Variants in PHAX observed in about 807,000 individuals in gnomAD.
PHAX encodes phosphorylated adapter RNA export protein.
PHAX carries 31 observed loss-of-function variants against 41.6 expected under a neutral mutation model. That is an observed-to-expected ratio of 0.75 (90% CI 0.56 to 1.01). The LOEUF is 1.01. Ranked by LOEUF, PHAX falls within the 50% of genes least tolerant of loss-of-function variation. The pLI, the probability that PHAX is intolerant of heterozygous loss-of-function variation, is 0.00. For synonymous variants in PHAX, 175 were observed against 164.9 expected, an observed-to-expected ratio of 1.06 and a Z score of -0.47; for missense variants, 453 against 472.9, an observed-to-expected ratio of 0.96 and a Z score of 0.39.
chr5:126,609,161 C>T (rs907902885), intron 3 of PHAX, among the ~76,000 whole-genome samples: 1 of 130,466 alleles, frequency 7.7e-6, no homozygotes, highest in Non-Finnish European at 1.5e-5. Context: ...AGTGCAGTGG[C>T]GCAATCTCGG....
chr5:126,601,431 G>A (rs777138761), intron 1 of PHAX, among the ~76,000 whole-genome samples: 5 of 152,146 alleles, frequency 3.3e-5, no homozygotes, highest in Non-Finnish European at 7.4e-5. Context: ...TAAACTTGGG[G>A]CTTCCCCACT....
chr5:126,608,699 G>A (rs1017368564), intron 3 of PHAX, among the ~76,000 whole-genome samples: 3 of 152,210 alleles, frequency 2.0e-5, no homozygotes, highest in Admixed American at 6.6e-5. Flanking sequence ...CACTTTGGGA[G>A]GCTGAGGCGG....
chr5:126,608,291 G>C, intron 2 of PHAX, 73 bp from the exon 3 acceptor site: 1 of 1,500,504 alleles, frequency 6.7e-7, no homozygotes, highest in Admixed American at 2.2e-5. Flanking sequence ...TTTTATTCTA[G>C]CTGGTGACTA....
At chr5:126,622,851 C>T (rs911049365) in intron 4 of PHAX, among the ~76,000 whole-genome samples, 10 of 151,990 alleles carry the variant, frequency 6.6e-5, no homozygotes, top group African/African-American at 2.2e-4. Context: ...TTGGGCCGGG[C>T]GCGGTGGCTT....
intron 1 of PHAX, among the ~76,000 whole-genome samples, chr5:126,601,894 T>C (rs1246362404): frequency 6.6e-6 from 1 of 152,052 alleles, no homozygotes; most frequent in Non-Finnish European, 1.5e-5. Flanking sequence ...CTCGAACTCC[T>C]GACCTCAAGT....
intron 2 of PHAX, among the ~76,000 whole-genome samples, chr5:126,607,388 CTTTTTTTTTTTTTT>C (rs58375322): frequency 7.0e-5 from 6 of 85,404 alleles, no homozygotes; most frequent in East Asian, 3.3e-4. Flanking sequence ...GGTCTGAATT[CTTTTTTTTTTTTTT>C]TTTTTTTTTT....
Position 126,617,236 on chromosome 5 carries a change from G to A in PHAX, c.832-14G>A, listed in dbSNP as rs771816965. On this transcript the variant is annotated splice_polypyrimidine_tract_variant and intron_variant, in intron 3 of 4. Transcript: ENST00000297540. ...AGAGTATATGCAGTTTACCTTTTCTGTTCCTTTTTGTAGAATGGTAGTCGA... is the reference window on the plus strand; with the variant it reads ...AGAGTATATGCAGTTTACCTTTTCTATTCCTTTTTGTAGAATGGTAGTCGA... 1 of 1,581,130 alleles carries A rather than the reference G, an allele frequency of 6.3e-7. No homozygotes were observed. The highest frequency in any genetic ancestry group is 1.1e-5 in the South Asian group (1 of 89,862).
intron 4 of PHAX, among the ~76,000 whole-genome samples, chr5:126,617,667 C>T (rs752052524): frequency 6.6e-6 from 1 of 151,948 alleles, no homozygotes; most frequent in Non-Finnish European, 1.5e-5. Context: ...TTAGTAGAGA[C>T]GGGGTTTCAC....
intron 1 of PHAX, among the ~76,000 whole-genome samples, chr5:126,602,432 C>A (rs1265083588): frequency 1.3e-5 from 2 of 152,228 alleles, no homozygotes; most frequent in Non-Finnish European, 2.9e-5. Flanking sequence ...TGATGTACCA[C>A]TGATAGGGTT....
chr5:126,614,717 C>T (rs955382385), intron 3 of PHAX, among the ~76,000 whole-genome samples: 5 of 151,940 alleles, frequency 3.3e-5, no homozygotes, highest in African/African-American at 1.2e-4. Context: ...AGAGGCTACC[C>T]GGACCACACC....
intron 3 of PHAX, among the ~76,000 whole-genome samples, chr5:126,609,193 C>T (rs564326547): frequency 3.3e-5 from 5 of 149,280 alleles, no homozygotes; most frequent in Non-Finnish European, 5.9e-5. Context: ...CTCCGCCTCC[C>T]GAGTTCAAGC....
chr5:126,624,491 A>G, intron 4 of PHAX, 84 bp from the exon 5 acceptor site: 1 of 1,037,290 alleles, frequency 9.6e-7, no homozygotes, highest in Non-Finnish European at 1.4e-6. Context: ...AGAAATGGAG[A>G]TAATGATTTT....
Position 126,626,009 on chromosome 5 carries a change from T to G in PHAX, c.*1165T>G, listed in dbSNP as rs2112840831. 6.6e-6 allele frequency: 1 copy of G among 152,304 alleles called. No homozygotes were observed. Among genetic ancestry groups the G allele is most frequent in the Admixed American group, 6.5e-5 (1 of 15,282 alleles). The allele number at this position is 152,304 out of a possible 1,614,324, so 9.4% of individuals were successfully genotyped here. A position where few individuals can be genotyped will look rare whatever the true frequency, so the allele number is the denominator to read the frequency against. ...CGAACCCAGCCTTATTCTGCTTAAATTTAACGTGTTTTTTGACTTCTTAAT... is the reference window on the plus strand; with the variant it reads ...CGAACCCAGCCTTATTCTGCTTAAAGTTAACGTGTTTTTTGACTTCTTAAT... On this transcript the variant is annotated 3_prime_UTR_variant, in exon 5 of 5. Transcript: ENST00000297540.
At chr5:126,623,060 A>T (rs555903374) in intron 4 of PHAX, among the ~76,000 whole-genome samples, 9 of 151,980 alleles carry the variant, frequency 5.9e-5, no homozygotes, top group African/African-American at 2.2e-4. Flanking sequence ...CTGGAAATGG[A>T]GATTGCAGTG....
At chr5:126,620,615 G>T (rs1269330339) in intron 4 of PHAX, among the ~76,000 whole-genome samples, 1 of 152,142 alleles carries the variant, frequency 6.6e-6, no homozygotes, top group Non-Finnish European at 1.5e-5. Context: ...CTCATTTAGG[G>T]AAAGGATTTT....
chr5:126,603,153 C>G (rs1463300786), intron 1 of PHAX, among the ~76,000 whole-genome samples: 1 of 151,208 alleles, frequency 6.6e-6, no homozygotes, highest in Non-Finnish European at 1.5e-5. Context: ...GTAGGAGGAT[C>G]GCTTGAGCCT....
Position 126,624,620 on chromosome 5 carries a change from G to A in PHAX, c.961G>A (p.Ala321Thr). The change falls in exon 5 of 5, where the codon GCT (alanine) becomes ACT (threonine). Residue 321 changes from alanine to threonine, a missense_variant. Transcript: ENST00000297540. ...CCAAAAGGAATATGAAAATAAAAAA[G>A]CTGCTAGGAAGAGGAGAACACAAGT... ...ENQKEYENKK[A>T]ARKRRTQVLG... 1 of 1,603,850 alleles carries A rather than the reference G, an allele frequency of 6.2e-7. No individual in the cohort carries two copies. The highest frequency in any genetic ancestry group is 1.3e-5 in the African/African-American group (1 of 74,148).
chr5:126,606,705 G>A (rs1386306056), intron 2 of PHAX, among the ~76,000 whole-genome samples: 1 of 151,962 alleles, frequency 6.6e-6, no homozygotes, highest in Non-Finnish European at 1.5e-5. Context: ...AGGATGGAGT[G>A]CAGTGGCATG....
At position 126,616,500 on chromosome 5, in the gene PHAX, C is replaced by T. The variant is rs558673375; in HGVS notation, c.832-750C>T. Among the ~76,000 whole-genome samples the T allele has an allele frequency of 3.1e-4, 47 of 152,076 alleles. 1 individual carries two copies. The South Asian group carries it at 9.8e-3, about 32-fold the overall frequency. On this transcript the variant is annotated intron_variant, in intron 3 of 4. Transcript: ENST00000297540. ...TATTTGGCTTTTTTTTCTAGGTTTT[C>T]TATTTTGCTTCACTGATCATTCTAG...
Sources: gnomAD v4.1 joint callset for allele counts (sites outside exome capture counted in the v4.1 genomes callset) on GRCh38, gnomAD v4.1.1 for gene constraint, MANE v1.5 for transcripts, NCBI Gene and HGNC (gene_info 2026-07-23, HGNC 2026-07-21) for gene names.